ITGA3: variants seen among roughly 807,000 people sequenced by gnomAD.
ITGA3 encodes the protein integrin subunit alpha 3.
In ITGA3, 70 loss-of-function variants were observed where a neutral mutation model predicts 131.1. That is an observed-to-expected ratio of 0.53 (90% CI 0.44 to 0.65). The LOEUF is 0.65. Ranked by LOEUF, ITGA3 falls within the 30% of genes least tolerant of loss-of-function variation. The pLI, the probability that ITGA3 is intolerant of heterozygous loss-of-function variation, is 0.00. For synonymous variants in ITGA3, 537 were observed against 571.6 expected (o/e 0.94, Z 0.86); for missense variants, 1,098 against 1,388.6 (o/e 0.79, Z 3.33).
At position 50,061,193 on chromosome 17, in the gene ITGA3, G is replaced by A. The variant is rs146184591; in HGVS notation, c.207-2884G>A. On this transcript the variant is annotated intron_variant, in intron 1 of 25. Coordinates refer to ENST00000320031, the MANE Select transcript of ITGA3 (RefSeq NM_002204.4). The stretch of plus-strand genomic sequence containing the variant: ...GGGAGGGGCCTGGGATGTAGGGCTG[G>A]GATTAGGGCACTGGCCCTGCCCTGC... Among the ~76,000 whole-genome samples, 133 of 152,296 alleles carry A rather than the reference G, an allele frequency of 8.7e-4. 1 individual carries two copies. Among genetic ancestry groups the A allele is most frequent in the Middle Eastern group, 6.8e-3 (2 of 294 alleles).
Position 50,057,465 on chromosome 17 carries a change from G to A in ITGA3, c.206+820G>A, listed in dbSNP as rs114080032. Among the ~76,000 whole-genome samples the A allele has an allele frequency of 5.4e-3, 819 of 152,358 alleles. 7 individuals are homozygous for A. The highest frequency in any genetic ancestry group is 0.019 in the African/African-American group (783 of 41,582). On this transcript the variant is annotated intron_variant, in intron 1 of 25. Transcript: ENST00000320031. ...AGAGCTATGCACAGTGGAGGAAGGA[G>A]GAGGAGGTTGCACCCAGCCTCCTGG...
intron 1 of ITGA3, among the ~76,000 whole-genome samples, chr17:50,057,589 G>A (rs1325955517): frequency 1.3e-5 from 2 of 152,168 alleles, no homozygotes; most frequent in Admixed American, 1.3e-4. Flanking sequence ...GTTGGCGGTT[G>A]GGGGAGGTGA....
At position 50,070,862 on chromosome 17, in the gene ITGA3, A is replaced by C. The variant is rs770624378; in HGVS notation, c.683A>C (p.Gln228Pro). 1 of 1,610,674 alleles carries C rather than the reference A, an allele frequency of 6.2e-7. No individual in the cohort carries two copies. Among genetic ancestry groups the C allele is most frequent in the Non-Finnish European group, 8.5e-7 (1 of 1,177,254 alleles). The change falls in exon 5 of 26, where the codon CAG becomes CCG. Residue 228 changes from glutamine to proline, a missense_variant. Coordinates refer to ENST00000320031, the MANE Select transcript of ITGA3 (RefSeq NM_002204.4). ...YNWKGNSYMI[Q>P]RKEWDLSEYS... ...TGTGAAGGAAACAGCTACATGATTC[A>C]GCGCAAGGAGTGGGACTTATCTGAG...
chr17:50,083,170 A>AT (rs1421817251), intron 23 of ITGA3, among the ~76,000 whole-genome samples: 13 of 152,204 alleles, frequency 8.5e-5, no homozygotes, highest in African/African-American at 3.1e-4. Flanking sequence ...AGAAAGGTAG[A>AT]TTATTAAGTA....
rs768088650 is a variant in ITGA3 at position 50,071,325 on chromosome 17, G to T, written c.766G>T (p.Val256Leu). 1.9e-6 allele frequency: 3 copies of T among 1,614,018 alleles called. No individual in the cohort carries two copies. Among genetic ancestry groups the T allele is most frequent in the Non-Finnish European group, 2.5e-6 (3 of 1,180,008 alleles). ...GNLYIGYTMQ[V>L]GSFILHPKNI... ...CTCTATCCCAGGGTACACGATGCAG[G>T]TAGGCAGCTTCATCCTGCACCCCAA... Residue 256 changes from valine to leucine, a missense_variant, in exon 6 of 26, where the codon GTA becomes TTA. By Grantham distance (32) the Val-to-Leu change is conservative. This residue lies in a region of ITGA3 where 356 missense variants were observed against 529.2 expected (regional missense o/e 0.67). Transcript: ENST00000320031.
At chr17:50,086,700 A>AG (rs905417736) in intron 23 of ITGA3, 8 of 150,854 alleles carry the variant, frequency 5.3e-5, no homozygotes, top group Non-Finnish European at 1.2e-4. Context: ...AAAAAAAAAA[A>AG]AAAAAAACCT....
At chr17:50,088,189 C>A in intron 24 of ITGA3, 36 bp from the exon 25 acceptor site, 2 of 1,542,968 alleles carry the variant, frequency 1.3e-6, no homozygotes, top group Non-Finnish European at 1.8e-6. Context: ...CCCAGCGCCC[C>A]CCTGATGGCC....
At position 50,089,874 on chromosome 17, in the gene ITGA3, C is replaced by T. The variant is rs1377756287; in HGVS notation, c.*796C>T. 1.7e-5 allele frequency: 3 copies of T among 179,636 alleles called. No individual in the cohort carries two copies. Among genetic ancestry groups the T allele is most frequent in the Non-Finnish European group, 3.6e-5 (3 of 83,824 alleles). 11.1% of individuals were successfully genotyped at this position (179,636 alleles called of 1,614,324 possible). A position where few individuals can be genotyped will look rare whatever the true frequency, so the allele number is the denominator to read the frequency against. ...AACTAGAAAGAAGGACCCAGAACGG[C>T]TTGCTTTCCTGCATCTCTGTGAAGC... On this transcript the variant is annotated 3_prime_UTR_variant, in exon 26 of 26. Transcript: ENST00000320031.
chr17:50,087,892 G>T (rs1478052337), intron 24 of ITGA3, 23 bp downstream of exon 24: 1 of 1,538,970 alleles, frequency 6.5e-7, no homozygotes, highest in Non-Finnish European at 8.8e-7. Flanking sequence ...GCCCACTCCT[G>T]CTCCGGGACC....
intron 24 of ITGA3, 149 bp from the exon 25 acceptor site, chr17:50,088,076 G>T: frequency 8.0e-7 from 1 of 1,257,406 alleles, no homozygotes. Context: ...GGGGGACCCA[G>T]GAGCTCTGGC....
Position 50,088,252 on chromosome 17 carries a change from C to A in ITGA3, c.3073C>A (p.Arg1025Ser). 1 of 1,577,524 alleles carries A rather than the reference C, an allele frequency of 6.3e-7. No individual in the cohort carries two copies. Among genetic ancestry groups the A allele is most frequent in the East Asian group, 2.3e-5 (1 of 43,202 alleles). The change falls in exon 25 of 26, where the codon CGC becomes AGC. Residue 1025 changes from arginine (R) to serine (S), a missense_variant. Arg to Ser is a moderately radical substitution (Grantham distance 110). Around this residue, in one of 3 missense-constraint regions of ITGA3, gnomAD observed 699 missense variants for 829.2 expected, o/e 0.84. Coordinates refer to ENST00000320031, the MANE Select transcript of ITGA3 (RefSeq NM_002204.4). ...KCGFFKRART[R>S]ALYEAKRQKA... ...CGGCTTCTTCAAGCGAGCCCGCACT[C>A]GCGCCCTGTATGAAGCTAAGAGGCA...
chr17:50,080,513 G>T (rs548387686), intron 22 of ITGA3, 138 bp downstream of exon 22: 2 of 560,768 alleles, frequency 3.6e-6, no homozygotes, highest in Admixed American at 3.2e-5. Context: ...TGTGATTTGC[G>T]TGTCTTTGCA....
Position 50,089,286 on chromosome 17 carries a change from C to T in ITGA3, c.*208C>T, listed in dbSNP as rs749700208. On this transcript the variant is annotated 3_prime_UTR_variant, in exon 26 of 26. Transcript: ENST00000320031. Reference sequence around the variant, plus strand: ...ACTGACGTCCTCCCTGATCCCACCCCCTCCTCCCCCAGTGTCCCCTTTCTT... The same window carrying T: ...ACTGACGTCCTCCCTGATCCCACCCTCTCCTCCCCCAGTGTCCCCTTTCTT... 39 of 1,604,632 alleles carry T rather than the reference C, an allele frequency of 2.4e-5. No individual in the cohort carries two copies. In the Middle Eastern group the frequency reaches 6.8e-4, roughly 28 times the overall value.
chr17:50,080,348 A>C lies in ITGA3; in HGVS notation c.2793A>C (p.Ala931=). The change falls in exon 22 of 26, where the codon GCA becomes GCC. Residue 931 remains alanine, a synonymous_variant. Coordinates refer to ENST00000320031, the MANE Select transcript of ITGA3 (RefSeq NM_002204.4). ...APVVTNVTVK[A]RVWNSTFIED... is the part of the protein sequence containing the mutation. ...TTGTCACCAACGTGACTGTGAAGGC[A>C]CGAGTGTGGAACAGCACCTTCATCG... is the stretch of plus-strand genomic sequence containing the variant. 1 of 1,612,964 alleles carries C rather than the reference A, an allele frequency of 6.2e-7. No individual in the cohort carries two copies. Among genetic ancestry groups the C allele is most frequent in the Non-Finnish European group, 8.5e-7 (1 of 1,179,434 alleles).
Position 50,064,059 on chromosome 17 carries a change from C to A in ITGA3, c.207-18C>A. The A allele has an allele frequency of 6.2e-7, 1 of 1,611,790 alleles. No individual in the cohort carries two copies. Among genetic ancestry groups the A allele is most frequent in the Non-Finnish European group, 8.5e-7 (1 of 1,179,334 alleles). ...TTGGGGAGTCTGAACCCGGACCCAC[C>A]TCCGTCCCTATCCCCAGGCTCCTGG... On this transcript the variant is annotated intron_variant, in intron 1 of 25. Transcript: ENST00000320031. The surrounding 1 kb of genome is among the most constrained non-coding windows in gnomAD (Gnocchi z 4.4).
intron 14 of ITGA3, 29 bp downstream of exon 14, chr17:50,076,710 C>T (rs1489251631): frequency 3.9e-6 from 6 of 1,532,994 alleles, no homozygotes; most frequent in South Asian, 1.1e-5. Flanking sequence ...CCGCGTTAAT[C>T]GGCCAAGGGT....
intron 4 of ITGA3, 106 bp downstream of exon 4, chr17:50,068,411 C>A: frequency 7.9e-7 from 1 of 1,259,190 alleles, no homozygotes; most frequent in Non-Finnish European, 1.1e-6. Context: ...GAAACAGGAC[C>A]TCATGCCAGT....
chr17:50,068,345 G>C lies in ITGA3; in HGVS notation c.664+40G>C, dbSNP rs779414049. On this transcript the variant is annotated intron_variant, in intron 4 of 25. Coordinates refer to ENST00000320031, the MANE Select transcript of ITGA3 (RefSeq NM_002204.4). Reference sequence around the variant, plus strand: ...GCCATGGGGGAAGAAAGGAAGAGCAGAGACCACCCACCCCTAGTTAGCCAC... The same window carrying C: ...GCCATGGGGGAAGAAAGGAAGAGCACAGACCACCCACCCCTAGTTAGCCAC... The C allele has an allele frequency of 1.2e-5, 20 of 1,602,774 alleles. 1 individual carries two copies. The Admixed American group carries it at 3.3e-4, about 27-fold the overall frequency.
intron 23 of ITGA3, among the ~76,000 whole-genome samples, chr17:50,081,810 T>C (rs1598196219): frequency 1.3e-5 from 2 of 152,014 alleles, no homozygotes; most frequent in South Asian, 4.2e-4. Flanking sequence ...GGAACGTGGG[T>C]CTCCTGATTA....
Sources: allele counts gnomAD v4.1 joint callset (sites outside exome capture counted in the v4.1 genomes callset), GRCh38; gene constraint gnomAD v4.1.1; regional missense constraint gnomAD v4.1.1; non-coding constraint Gnocchi (gnomAD v3.1); transcripts MANE v1.5; gene names NCBI Gene and HGNC (gene_info 2026-07-23, HGNC 2026-07-21).